Variants in MAF observed in about 807,000 individuals in gnomAD.
MAF encodes MAF bZIP transcription factor.
A neutral mutation model predicts 22.0 loss-of-function variants in MAF; 10 were observed. The ratio of observed to expected loss-of-function variants is 0.45; its 90% CI spans 0.28 to 0.77. MAF has a LOEUF of 0.77. Among genes scored for constraint, MAF ranks in the 30% least tolerant of loss-of-function variants. MAF has a pLI of 0.12. For synonymous variants in MAF, 337 were observed against 255.8 expected, an observed-to-expected ratio of 1.32 and a Z score of -3.03; for missense variants, 544 against 548.4, an observed-to-expected ratio of 0.99 and a Z score of 0.08.
chr16:79,450,177 A>T, the MAF span, among the ~76,000 whole-genome samples: 3 of 152,336 alleles, frequency 2.0e-5, no homozygotes, highest in African/African-American at 7.2e-5. Context: ...GTAACGAGTA[A>T]AGTGTTGTTT....
At chr16:79,518,107 T>A in the MAF span, among the ~76,000 whole-genome samples, 1 of 152,220 alleles carries the variant, frequency 6.6e-6, no homozygotes, top group Non-Finnish European at 1.5e-5. Context: ...TTACATTCTC[T>A]CAACCGTGCT....
the MAF span, among the ~76,000 whole-genome samples, chr16:79,462,453 T>C: frequency 2.3e-3 from 349 of 152,290 alleles, 1 homozygote; most frequent in African/African-American, 8.1e-3. Flanking sequence ...GCTCTGAGTT[T>C]AATGTCTAAA....
At chr16:79,494,854 T>A in the MAF span, among the ~76,000 whole-genome samples, 1 of 151,978 alleles carries the variant, frequency 6.6e-6, no homozygotes, top group Non-Finnish European at 1.5e-5. Context: ...AAATTGGGGG[T>A]TCCCAAGACT....
the MAF span, among the ~76,000 whole-genome samples, chr16:79,222,114 G>C: frequency 6.6e-6 from 1 of 152,142 alleles, no homozygotes; most frequent in Non-Finnish European, 1.5e-5. Flanking sequence ...AAGACTAACA[G>C]CAGATCTCTC....
At chr16:79,239,896 G>T in the MAF span, among the ~76,000 whole-genome samples, 2 of 152,060 alleles carry the variant, frequency 1.3e-5, no homozygotes, top group African/African-American at 4.8e-5. Flanking sequence ...AAGCCTTGAA[G>T]AAAGATGATT....
the MAF span, among the ~76,000 whole-genome samples, chr16:79,362,570 C>T: frequency 7.9e-5 from 12 of 152,142 alleles, no homozygotes; most frequent in East Asian, 1.2e-3. Context: ...TAGAAAGTTG[C>T]GAATGAACTA....
chr16:79,415,776 C>T, the MAF span, among the ~76,000 whole-genome samples: 1 of 151,732 alleles, frequency 6.6e-6, no homozygotes, highest in Non-Finnish European at 1.5e-5. Flanking sequence ...CTATTGGGTG[C>T]CTTTGGGGCT....
the MAF span, among the ~76,000 whole-genome samples, chr16:79,395,954 C>CG: frequency 2.0e-5 from 3 of 152,128 alleles, no homozygotes; most frequent in Admixed American, 2.0e-4. Context: ...ATGGCCCCCC[C>CG]GGTGGCATTT....
At chr16:79,209,406 G>C in the MAF span, among the ~76,000 whole-genome samples, 4 of 152,174 alleles carry the variant, frequency 2.6e-5, no homozygotes, top group Admixed American at 6.5e-5. Context: ...TCTGCTTTTT[G>C]CTTTCCCAAA....
the MAF span, among the ~76,000 whole-genome samples, chr16:79,502,814 A>G: frequency 6.8e-6 from 1 of 146,698 alleles, no homozygotes; most frequent in African/African-American, 2.5e-5. Flanking sequence ...TTAATTATAA[A>G]AAAAAACCCA....
chr16:79,357,602 A>T, the MAF span, among the ~76,000 whole-genome samples: 6 of 152,110 alleles, frequency 3.9e-5, no homozygotes. Context: ...TGACTTTGCT[A>T]ATTACTGTCA....
the MAF span, among the ~76,000 whole-genome samples, chr16:79,219,392 G>A: frequency 6.6e-6 from 1 of 151,802 alleles, no homozygotes; most frequent in African/African-American, 2.4e-5. Flanking sequence ...CACAGCTTTT[G>A]TACAAAAAAT....
the MAF span, among the ~76,000 whole-genome samples, chr16:79,209,319 C>G: frequency 0.089 from 13,585 of 152,200 alleles, 736 homozygotes; most frequent in Middle Eastern, 0.16. Flanking sequence ...AAATACCATT[C>G]CAGTAATGCA....
chr16:79,493,067 C>G, the MAF span, among the ~76,000 whole-genome samples: 1 of 151,966 alleles, frequency 6.6e-6, no homozygotes, highest in Admixed American at 6.5e-5. Flanking sequence ...AAGCAATTCT[C>G]CTGCTTCAGC....
chr16:79,487,923 G>A, the MAF span, among the ~76,000 whole-genome samples: 1 of 152,302 alleles, frequency 6.6e-6, no homozygotes, highest in South Asian at 2.1e-4. Flanking sequence ...TCCACGCAGG[G>A]GATAAGGCCC....
chr16:79,285,269 C>T, the MAF span, among the ~76,000 whole-genome samples: 5 of 151,746 alleles, frequency 3.3e-5, no homozygotes, highest in South Asian at 4.2e-4. Context: ...TTAATATATA[C>T]GGCCCCCCTT....
the MAF span, among the ~76,000 whole-genome samples, chr16:79,242,290 G>C: frequency 6.6e-6 from 1 of 150,468 alleles, no homozygotes; most frequent in Admixed American, 6.7e-5. Context: ...GTATTCAGGA[G>C]ACCCATCTCA....
At chr16:79,314,744 G>C in the MAF span, among the ~76,000 whole-genome samples, 1 of 152,170 alleles carries the variant, frequency 6.6e-6, no homozygotes, top group Non-Finnish European at 1.5e-5. Context: ...CTAGAAATGA[G>C]AGGAGGCTCG....
the MAF span, among the ~76,000 whole-genome samples, chr16:79,474,787 G>T: frequency 6.6e-6 from 1 of 152,186 alleles, no homozygotes. Context: ...ACCATCCCAT[G>T]TCAGGAAATC....
Sources: allele counts gnomAD v4.1 joint callset (sites outside exome capture counted in the v4.1 genomes callset), GRCh38; gene constraint gnomAD v4.1.1; transcripts MANE v1.5; gene names NCBI Gene and HGNC (gene_info 2026-07-23, HGNC 2026-07-21).